NCKAP5: variants seen among roughly 807,000 people sequenced by gnomAD.
NCKAP5 encodes NCK associated protein 5.
A neutral mutation model predicts 167.0 loss-of-function variants in NCKAP5; 92 were observed. The observed-to-expected ratio is 0.55, with a 90% CI of 0.47 to 0.66. The LOEUF (loss-of-function observed/expected upper bound fraction) is 0.66, where lower values mean the gene tolerates loss of function less well. Among genes scored for constraint, NCKAP5 ranks in the 30% least tolerant of loss-of-function variants. The probability of loss-of-function intolerance (pLI) is 0.00; values close to 1 mark genes in which losing one functional copy is unlikely to be tolerated. For synonymous variants in NCKAP5, 891 were observed against 877.4 expected, an observed-to-expected ratio of 1.02 and a Z score of -0.27; for missense variants, 2,378 against 2,315.0, an observed-to-expected ratio of 1.03 and a Z score of -0.56.
intron 5 of NCKAP5, among the ~76,000 whole-genome samples, chr2:133,163,614 G>A (rs1263946866): frequency 6.6e-6 from 1 of 152,168 alleles, no homozygotes; most frequent in African/African-American, 2.4e-5. Context: ...TCTGCCTGAG[G>A]AATTTCATAA....
chr2:132,946,065 T>G (rs939961393), intron 8 of NCKAP5, among the ~76,000 whole-genome samples: 1 of 152,206 alleles, frequency 6.6e-6, no homozygotes, highest in Non-Finnish European at 1.5e-5. Flanking sequence ...TACAGAACTC[T>G]TGGACAGGGA....
At chr2:132,970,700 A>T (rs1025199006) in intron 7 of NCKAP5, among the ~76,000 whole-genome samples, 13 of 152,158 alleles carry the variant, frequency 8.5e-5, no homozygotes, top group African/African-American at 3.1e-4. Flanking sequence ...TAGGGTAATG[A>T]TTCACCTTTG....
rs1299692200 is a variant in NCKAP5 at position 132,673,073 on chromosome 2, A to G, written c.*216T>C. The G allele has an allele frequency of 2.5e-6, 3 of 1,176,502 alleles. No individual in the cohort carries two copies. Among genetic ancestry groups the G allele is most frequent in the South Asian group, 3.4e-5 (1 of 29,452 alleles). The allele number at this position is 1,176,502 out of a possible 1,614,324, so 72.9% of individuals were successfully genotyped here. A position where few individuals can be genotyped will look rare whatever the true frequency, so the allele number is the denominator to read the frequency against. ...GGCACAGGAAGAGAAGCTATCATAT[A>G]AAGAATCACTCAAAGATTCCAAGTT... is the stretch of plus-strand genomic sequence containing the variant. On this transcript the variant is annotated 3_prime_UTR_variant, in exon 20 of 20. Transcript: ENST00000409261.
At chr2:133,547,339 A>G (rs1686813327) in intron 2 of NCKAP5, among the ~76,000 whole-genome samples, 2 of 152,186 alleles carry the variant, frequency 1.3e-5, no homozygotes, top group African/African-American at 4.8e-5. Context: ...TTAGGTAAAC[A>G]AAGCAGCCAG....
chr2:133,516,814 G>A (rs549793587), intron 3 of NCKAP5, among the ~76,000 whole-genome samples: 17 of 152,294 alleles, frequency 1.1e-4, no homozygotes, highest in South Asian at 8.3e-4. Context: ...CTGTTCACAC[G>A]CATTGCGTAA....
intron 2 of NCKAP5, among the ~76,000 whole-genome samples, chr2:133,556,107 C>A (rs1558782508): frequency 6.6e-6 from 1 of 152,236 alleles, no homozygotes; most frequent in South Asian, 2.1e-4. Context: ...TGGTGGTTAC[C>A]TTAGAGAATG....
At chr2:132,981,521 C>T (rs2077141681) in intron 7 of NCKAP5, among the ~76,000 whole-genome samples, 2 of 152,146 alleles carry the variant, frequency 1.3e-5, no homozygotes, top group South Asian at 2.1e-4. Context: ...TGCTTTTTTC[C>T]TCACTTCTGT....
chr2:132,823,183 T>C (rs1686882849), intron 11 of NCKAP5, among the ~76,000 whole-genome samples: 1 of 152,160 alleles, frequency 6.6e-6, no homozygotes. Flanking sequence ...GACATTCAAA[T>C]AGAAGAAGCT....
At chr2:132,745,686 T>A (rs938711283) in intron 16 of NCKAP5, among the ~76,000 whole-genome samples, 3 of 152,006 alleles carry the variant, frequency 2.0e-5, no homozygotes, top group African/African-American at 4.8e-5. Context: ...AATATAATTG[T>A]GTATGTAGAA....
intron 5 of NCKAP5, among the ~76,000 whole-genome samples, chr2:133,169,530 G>T (rs559566725): frequency 6.6e-6 from 1 of 152,220 alleles, no homozygotes; most frequent in African/African-American, 2.4e-5. Context: ...TTCCCTTTTT[G>T]TGACAATATT....
At chr2:133,068,430 A>G (rs1404626442) in intron 6 of NCKAP5, among the ~76,000 whole-genome samples, 1 of 152,220 alleles carries the variant, frequency 6.6e-6, no homozygotes, top group African/African-American at 2.4e-5. Flanking sequence ...TAAGATGGAC[A>G]TGGCCTGAAT....
chr2:132,673,222 G>A lies in NCKAP5; in HGVS notation c.*67C>T. On this transcript the variant is annotated 3_prime_UTR_variant, in exon 20 of 20. Coordinates refer to ENST00000409261, the MANE Select transcript of NCKAP5 (RefSeq NM_207363.3). ...TTTCTAATAAAATCACAGTATTGCT[G>A]TTAAATTTATTGAATGACTCTAGGG... The A allele has an allele frequency of 1.4e-6, 2 of 1,464,632 alleles. No individual in the cohort carries two copies. The highest frequency in any genetic ancestry group is 9.0e-7 in the Non-Finnish European group (1 of 1,110,982). The allele number at this position is 1,464,632 out of a possible 1,614,324, so 90.7% of individuals were successfully genotyped here.
intron 8 of NCKAP5, among the ~76,000 whole-genome samples, chr2:132,935,828 C>T (rs1050394100): frequency 2.0e-5 from 3 of 152,084 alleles, no homozygotes; most frequent in African/African-American, 7.2e-5. Flanking sequence ...ACAAGCTACA[C>T]ATGATGTGGT....
intron 6 of NCKAP5, among the ~76,000 whole-genome samples, chr2:133,081,832 T>C (rs1221804768): frequency 6.6e-6 from 1 of 152,130 alleles, no homozygotes; most frequent in Non-Finnish European, 1.5e-5. Flanking sequence ...ACATCTGCCA[T>C]CAGATTACCC....
chr2:132,900,992 A>G (rs1693583553), intron 8 of NCKAP5, among the ~76,000 whole-genome samples: 1 of 151,370 alleles, frequency 6.6e-6, no homozygotes, highest in Non-Finnish European at 1.5e-5. Flanking sequence ...AAAAAAAAAA[A>G]AAAGAACACC....
the NCKAP5 span, among the ~76,000 whole-genome samples, chr2:133,658,114 C>G: frequency 1.3e-5 from 2 of 151,392 alleles, no homozygotes; most frequent in Non-Finnish European, 1.5e-5. Context: ...ACCCCCACCC[C>G]CTAGTTTCAT....
intron 6 of NCKAP5, among the ~76,000 whole-genome samples, chr2:133,021,066 C>T (rs373352784): frequency 7.9e-5 from 12 of 152,112 alleles, no homozygotes; most frequent in African/African-American, 1.9e-4. Context: ...GAAGACCTGG[C>T]GAAATGAAAA....
At chr2:133,621,242 A>T in the NCKAP5 span, among the ~76,000 whole-genome samples, 1 of 152,094 alleles carries the variant, frequency 6.6e-6, no homozygotes, top group African/African-American at 2.4e-5. Context: ...CCAAACCCAA[A>T]CCCAGCACAA....
At chr2:133,471,338 T>A (rs1679282697) in intron 3 of NCKAP5, among the ~76,000 whole-genome samples, 2 of 151,404 alleles carry the variant, frequency 1.3e-5, no homozygotes, top group African/African-American at 4.9e-5. Flanking sequence ...TATAAAACCT[T>A]AAAATTGGTA....
Sources: allele counts gnomAD v4.1 joint callset (sites outside exome capture counted in the v4.1 genomes callset), GRCh38; gene constraint gnomAD v4.1.1; transcripts MANE v1.5; gene names NCBI Gene and HGNC (gene_info 2026-07-23, HGNC 2026-07-21).